Variants in WNK1 observed in about 807,000 individuals in gnomAD.
WNK1 encodes the protein WNK lysine deficient protein kinase 1.
WNK1 carries 38 observed loss-of-function variants against 222.8 expected under a neutral mutation model. The ratio of observed to expected loss-of-function variants is 0.17; its 90% CI spans 0.13 to 0.22. The LOEUF is 0.22. Ranked by LOEUF, WNK1 falls within the 10% of genes least tolerant of loss-of-function variation. WNK1 has a pLI of 1.00. For synonymous variants in WNK1, 1,090 were observed against 1,092.9 expected, an observed-to-expected ratio of 1.00 and a Z score of 0.05; for missense variants, 2,348 against 2,918.4, an observed-to-expected ratio of 0.80 and a Z score of 4.50.
chr12:762,378 C>T (rs1199432870), intron 1 of WNK1, among the ~76,000 whole-genome samples: 1 of 147,648 alleles, frequency 6.8e-6, no homozygotes, highest in Middle Eastern at 3.3e-3. Context: ...CACTAAATTA[C>T]TTATAATACC....
At chr12:820,998 T>A (rs538521384) in intron 2 of WNK1, among the ~76,000 whole-genome samples, 2 of 151,742 alleles carry the variant, frequency 1.3e-5, no homozygotes, top group African/African-American at 2.4e-5. Flanking sequence ...ATGTTCTTTA[T>A]CATGTTGAGG....
chr12:825,708 C>A (rs1038051474), intron 2 of WNK1, among the ~76,000 whole-genome samples: 3 of 152,004 alleles, frequency 2.0e-5, no homozygotes, highest in Non-Finnish European at 4.4e-5. Context: ...TCAGTAAAGA[C>A]ATAGAAATTA....
intron 8 of WNK1, chr12:865,053 G>T (rs1254627212): frequency 6.9e-7 from 1 of 1,440,130 alleles, no homozygotes; most frequent in East Asian, 2.5e-5. Flanking sequence ...TTGTACTTTT[G>T]TTTATTTTGT....
Position 754,339 on chromosome 12 carries a change from A to G in WNK1, c.759+15A>G, listed in dbSNP as rs11064518. ...GTGAACTGCAGGTAAAGCCCCACCT[A>G]CTTTATTTGACGGTCCTTTGGATCC... On this transcript the variant is annotated intron_variant, in intron 1 of 27. Coordinates refer to ENST00000315939, the MANE Select transcript of WNK1 (RefSeq NM_018979.4). The G allele has an allele frequency of 2.5e-6, 4 of 1,613,134 alleles. No individual in the cohort carries two copies. Among genetic ancestry groups the G allele is most frequent in the Non-Finnish European group, 3.4e-6 (4 of 1,179,996 alleles).
chr12:896,407 G>C lies in WNK1; in HGVS notation c.5920G>C (p.Gly1974Arg). 6.2e-7 allele frequency: 1 copy of C among 1,614,172 alleles called. No homozygotes were observed. The highest frequency in any genetic ancestry group is 8.5e-7 in the Non-Finnish European group (1 of 1,180,026). The change falls in exon 24 of 28, where the codon GGA becomes CGA. Residue 1974 changes from glycine to arginine, a missense_variant. Around this residue, in one of 13 missense-constraint regions of WNK1, gnomAD observed 1,144 missense variants for 1,273.6 expected, o/e 0.90. Coordinates refer to ENST00000315939, the MANE Select transcript of WNK1 (RefSeq NM_018979.4). ...EDKITDTKKE[G>R]PVASPPFMDL... ...CAAGATCACTGACACAAAGAAAGAA[G>C]GACCAGTGGCATCTCCTCCTTTTAT...
rs529346709 is a variant in WNK1, at chr12:758,736, G to A, written c.759+4412G>A. ...AGGATGAGAATCAGCGTAACTTTCC[G>A]TCTCAGGGAATAGTTTTTGGAGTTT... On this transcript the variant is annotated intron_variant, in intron 1 of 27. Coordinates refer to ENST00000315939, the MANE Select transcript of WNK1 (RefSeq NM_018979.4). 4.8e-5 allele frequency among the ~76,000 whole-genome samples: 7 copies of A among 146,842 alleles called. 2 individuals are homozygous for A. Among genetic ancestry groups the A allele is most frequent in the East Asian group, 3.9e-4 (2 of 5,122 alleles).
At chr12:819,581 G>C (rs776027934) in intron 2 of WNK1, among the ~76,000 whole-genome samples, 1 of 152,144 alleles carries the variant, frequency 6.6e-6, no homozygotes, top group Non-Finnish European at 1.5e-5. Flanking sequence ...AAAATCCAAT[G>C]TATCTGCTTT....
chr12:862,409 T>C, intron 8 of WNK1, 139 bp downstream of exon 8: 1 of 958,256 alleles, frequency 1.0e-6, no homozygotes, highest in South Asian at 1.5e-5. Context: ...TAAAGCCTTA[T>C]TATAGAGTAG....
chr12:869,565 A>C (rs1481686522), intron 8 of WNK1, among the ~76,000 whole-genome samples: 1 of 151,610 alleles, frequency 6.6e-6, no homozygotes, highest in Non-Finnish European at 1.5e-5. Flanking sequence ...TTTTTGAGGT[A>C]ATATTAATAA....
chr12:898,109 C>T (rs1592235768), intron 25 of WNK1, among the ~76,000 whole-genome samples: 1 of 152,174 alleles, frequency 6.6e-6, no homozygotes, highest in East Asian at 1.9e-4. Flanking sequence ...TGAATGTAAT[C>T]GTCATATAGA....
intron 6 of WNK1, among the ~76,000 whole-genome samples, 173 bp downstream of exon 6, chr12:859,637 T>TA: frequency 6.6e-6 from 1 of 151,816 alleles, no homozygotes; most frequent in African/African-American, 2.4e-5. Context: ...TGTGTGTTTT[T>TA]TTTTTTTTTA....
chr12:755,967 C>G (rs1939958870), intron 1 of WNK1, among the ~76,000 whole-genome samples: 1 of 152,216 alleles, frequency 6.6e-6, no homozygotes, highest in Non-Finnish European at 1.5e-5. Flanking sequence ...GAGCGAGACT[C>G]CGTCTCAAAA....
intron 4 of WNK1, among the ~76,000 whole-genome samples, chr12:839,291 G>A (rs1297628826): frequency 6.6e-6 from 1 of 152,172 alleles, no homozygotes; most frequent in Non-Finnish European, 1.5e-5. Context: ...GAGCACTGAG[G>A]GGACTGTTTT....
intron 23 of WNK1, among the ~76,000 whole-genome samples, 160 bp downstream of exon 23, chr12:894,795 A>G (rs1185599458): frequency 1.3e-5 from 2 of 152,222 alleles, no homozygotes; most frequent in Non-Finnish European, 1.5e-5. Context: ...TAAAAGTAAT[A>G]TATACTAAAT....
At chr12:796,395 A>G (rs1429482788) in intron 1 of WNK1, among the ~76,000 whole-genome samples, 1 of 152,202 alleles carries the variant, frequency 6.6e-6, no homozygotes, top group Non-Finnish European at 1.5e-5. Context: ...TAGGAAACAC[A>G]TACTTTCCTG....
At chr12:782,207 C>T (rs1430763916) in intron 1 of WNK1, among the ~76,000 whole-genome samples, 2 of 152,148 alleles carry the variant, frequency 1.3e-5, no homozygotes, top group Non-Finnish European at 2.9e-5. Flanking sequence ...ACCTAATTAT[C>T]ATTTTATTAG....
In WNK1 at chr12:827,444, C is replaced by G. The variant is rs1948437919; in HGVS notation, c.1153+182C>G. On this transcript the variant is annotated intron_variant, in intron 3 of 27. Transcript: ENST00000315939. This position sits in a 1 kb window ranked among gnomAD's most constrained non-coding sequence, Gnocchi z 4.6. ...CTATATTTGTGCTTCTTGGAATCAT[C>G]TTAGAGACTATTGGTAACATTACGT... The G allele has an allele frequency of 1.6e-6, 1 of 622,082 alleles. No homozygotes were observed. The highest frequency in any genetic ancestry group is 2.9e-6 in the Non-Finnish European group (1 of 348,872). 38.5% of individuals were successfully genotyped at this position (622,082 alleles called of 1,614,324 possible).
At chr12:896,037 A>C in intron 23 of WNK1, 34 bp from the exon 24 acceptor site, 1 of 1,613,878 alleles carries the variant, frequency 6.2e-7, no homozygotes, top group Non-Finnish European at 8.5e-7. Flanking sequence ...GATATTGAGA[A>C]CTTAAGTTTT....
chr12:792,920 C>A (rs1019160403), intron 1 of WNK1, among the ~76,000 whole-genome samples: 2 of 151,902 alleles, frequency 1.3e-5, no homozygotes, highest in Non-Finnish European at 1.5e-5. Flanking sequence ...AGAGACACAA[C>A]TTGGATATAA....
Sources: gnomAD v4.1 joint callset for allele counts (sites outside exome capture counted in the v4.1 genomes callset) on GRCh38, gnomAD v4.1.1 for gene constraint, gnomAD v4.1.1 regional missense constraint, Gnocchi (gnomAD v3.1) non-coding constraint, MANE v1.5 for transcripts, NCBI Gene and HGNC (gene_info 2026-07-23, HGNC 2026-07-21) for gene names.